Variants in QSOX1 observed in about 807,000 individuals in gnomAD.
QSOX1 encodes quiescin sulfhydryl oxidase 1.
In QSOX1, 40 loss-of-function variants were observed where a neutral mutation model predicts 76.1. That is an observed-to-expected ratio of 0.53 (90% CI 0.41 to 0.68). The LOEUF (loss-of-function observed/expected upper bound fraction) is 0.68. Ranked by LOEUF, QSOX1 falls within the 30% of genes least tolerant of loss-of-function variation. QSOX1 has a pLI of 0.00. For missense variants in QSOX1, 931 were observed against 974.3 expected, an observed-to-expected ratio of 0.96 and a Z score of 0.59; for synonymous variants, 392 against 413.1, an observed-to-expected ratio of 0.95 and a Z score of 0.62.
rs139923113 is a variant in QSOX1, at chr1:180,196,870, G to T, written c.2077G>T (p.Gly693Cys). ...CCAGCTGGAGGCCCGAGCTGGACGGGGCCGAGGCCAGTGGCTGCAGGTGCT... is the reference window on the plus strand; with the variant it reads ...CCAGCTGGAGGCCCGAGCTGGACGGTGCCGAGGCCAGTGGCTGCAGGTGCT... ...EGQLEARAGR[G>C]RGQWLQVLGG... Residue 693 changes from glycine (G) to cysteine (C), a missense_variant, in exon 12 of 12, where the codon GGC becomes TGC. Transcript: ENST00000367602. The surrounding 1 kb of genome is among the most constrained non-coding windows in gnomAD (Gnocchi z 4.1). 1.9e-6 allele frequency: 3 copies of T among 1,597,708 alleles called. No individual in the cohort carries two copies. The highest frequency in any genetic ancestry group is 1.1e-5 in the South Asian group (1 of 89,176).
rs1662963039 is a variant in QSOX1, at chr1:180,178,882, G to T, written c.604G>T (p.Glu202Ter). 6.2e-7 allele frequency: 1 copy of T among 1,612,688 alleles called. No individual in the cohort carries two copies. The highest frequency in any genetic ancestry group is 8.5e-7 in the Non-Finnish European group (1 of 1,178,694). The change falls in exon 5 of 12, where the codon GAG (glutamate) becomes TAG (stop). Residue 202 changes from glutamate to a stop codon, truncating the protein, a stop_gained and splice_region_variant. Coordinates refer to ENST00000367602, the MANE Select transcript of QSOX1 (RefSeq NM_002826.5). LOFTEE classifies it high-confidence loss of function. ...FEKGGSYLGR[E>*]VALDLSQHKG... ...AAAGGGAGGCTCCTACCTGGGTAGA[G>T]AGGTGAGCTGCCCTGAAGTTCCCTG...
Position 180,196,804 on chromosome 1 carries a change from G to A in QSOX1, c.2011G>A (p.Val671Met), listed in dbSNP as rs779603808. ...RLWGPLEVRRVGRSSKQLVDI... is the reference protein window; with the variant it reads ...RLWGPLEVRRMGRSSKQLVDI... ...CTGGGGCCCTTTGGAGGTCAGGCGCGTGGGCCGCAGCTCCAAGCAGCTGGT... is the reference window on the plus strand; with the variant it reads ...CTGGGGCCCTTTGGAGGTCAGGCGCATGGGCCGCAGCTCCAAGCAGCTGGT... Residue 671 changes from valine (V) to methionine (M), a missense_variant, in exon 12 of 12, where the codon GTG becomes ATG. Physicochemically the swap from Val to Met is conservative, Grantham distance 21. Transcript: ENST00000367602. This position sits in a 1 kb window ranked among gnomAD's most constrained non-coding sequence, Gnocchi z 4.1. 9 of 1,613,074 alleles carry A rather than the reference G, an allele frequency of 5.6e-6. No homozygotes were observed. Among genetic ancestry groups the A allele is most frequent in the Non-Finnish European group, 7.6e-6 (9 of 1,179,322 alleles).
intron 2 of QSOX1, among the ~76,000 whole-genome samples, chr1:180,166,852 G>A (rs1385169961): frequency 1.3e-5 from 2 of 152,228 alleles, no homozygotes; most frequent in Non-Finnish European, 2.9e-5. Flanking sequence ...CCTGTGGGCA[G>A]GGTCAGACTC....
intron 2 of QSOX1, among the ~76,000 whole-genome samples, chr1:180,175,105 C>T (rs12354230): frequency 0.037 from 5,615 of 149,784 alleles, 175 homozygotes; most frequent in East Asian, 0.16. Context: ...TGCAGTGAGC[C>T]GAGATCGCGC....
At chr1:180,187,973 G>A (rs1478083222) in intron 8 of QSOX1, among the ~76,000 whole-genome samples, 2 of 152,244 alleles carry the variant, frequency 1.3e-5, no homozygotes, top group African/African-American at 4.8e-5. Flanking sequence ...AGCCCTGCCG[G>A]TGCCTGCAGT....
chr1:180,174,811 G>A (rs925249689), intron 2 of QSOX1, among the ~76,000 whole-genome samples: 1 of 152,138 alleles, frequency 6.6e-6, no homozygotes, highest in African/African-American at 2.4e-5. Context: ...GAGGGAGCCA[G>A]TGTCCAGCTC....
At chr1:180,194,461 C>A (rs1488912805) in intron 11 of QSOX1, 69 bp downstream of exon 11, 2 of 1,456,188 alleles carry the variant, frequency 1.4e-6, no homozygotes, top group African/African-American at 1.4e-5. Context: ...ACTTGGGAGT[C>A]TTAGGCCAAA....
chr1:180,154,876 G>T lies in QSOX1; in HGVS notation c.-32G>T, dbSNP rs1662333479. The T allele has an allele frequency of 7.3e-7, 1 of 1,371,912 alleles. No individual in the cohort carries two copies. Among genetic ancestry groups the T allele is most frequent in the Non-Finnish European group, 9.4e-7 (1 of 1,069,032 alleles). 85.0% of individuals were successfully genotyped at this position (1,371,912 alleles called of 1,614,324 possible). A position where few individuals can be genotyped will look rare whatever the true frequency, so the allele number is the denominator to read the frequency against. On this transcript the variant is annotated 5_prime_UTR_variant, in exon 1 of 12. Transcript: ENST00000367602. ...GGCGCCGGGACCCGACTCATCCGGTGCTTGCGTGTGGTGGTGAGCGCAGCG... is the reference window on the plus strand; with the variant it reads ...GGCGCCGGGACCCGACTCATCCGGTTCTTGCGTGTGGTGGTGAGCGCAGCG...
intron 1 of QSOX1, among the ~76,000 whole-genome samples, chr1:180,161,046 A>G (rs878913453): frequency 1.3e-5 from 2 of 152,126 alleles, no homozygotes; most frequent in African/African-American, 2.4e-5. Context: ...TTTTCTCTCT[A>G]TAGTCACCCC....
In QSOX1 at chr1:180,196,001, T is replaced by G. The variant is rs932618272; in HGVS notation, c.1469-261T>G. ...CACCGGGAAATGACTGAGATGGCGC[T>G]CTTCACGCTTCCCTGGAAAACCACG... is the stretch of plus-strand genomic sequence containing the variant. On this transcript the variant is annotated intron_variant, in intron 11 of 11. Transcript: ENST00000367602. The surrounding 1 kb of genome is among the most constrained non-coding windows in gnomAD (Gnocchi z 4.1). 6.6e-6 allele frequency among the ~76,000 whole-genome samples: 1 copy of G among 152,120 alleles called. No individual in the cohort carries two copies. The highest frequency in any genetic ancestry group is 2.4e-5 in the African/African-American group (1 of 41,412).
At chr1:180,171,848 C>G (rs1662766687) in intron 2 of QSOX1, among the ~76,000 whole-genome samples, 1 of 152,152 alleles carries the variant, frequency 6.6e-6, no homozygotes, top group Non-Finnish European at 1.5e-5. Context: ...GTGAAAGCAA[C>G]AAAGGAGAGC....
At chr1:180,185,199 T>G (rs964787175) in intron 7 of QSOX1, among the ~76,000 whole-genome samples, 1 of 152,168 alleles carries the variant, frequency 6.6e-6, no homozygotes, top group Admixed American at 6.5e-5. Context: ...TTATTGGCTC[T>G]TTCCAACCTC....
intron 5 of QSOX1, among the ~76,000 whole-genome samples, chr1:180,179,878 G>A (rs1662987261): frequency 6.6e-6 from 1 of 152,262 alleles, no homozygotes. Context: ...CTTAAGGAGT[G>A]CCTGACCCTC....
chr1:180,157,964 A>T (rs1320891780), intron 1 of QSOX1, among the ~76,000 whole-genome samples: 1 of 152,220 alleles, frequency 6.6e-6, no homozygotes, highest in Non-Finnish European at 1.5e-5. Flanking sequence ...CAGAGGGCTA[A>T]TCTGATCACC....
At chr1:180,169,039 T>C (rs4652479) in intron 2 of QSOX1, among the ~76,000 whole-genome samples, 151,060 of 152,394 alleles carry the variant, frequency 0.99, 74,884 homozygotes, top group East Asian at 1. Flanking sequence ...TTTTCTTCTG[T>C]CTCCAGCCCC....
rs1663490159 is a variant in QSOX1, at chr1:180,196,441, G to A, written c.1648G>A (p.Ala550Thr). The A allele has an allele frequency of 5.0e-6, 8 of 1,614,170 alleles. No individual in the cohort carries two copies. The highest frequency in any genetic ancestry group is 6.8e-6 in the Non-Finnish European group (8 of 1,180,016). The change falls in exon 12 of 12, where the codon GCT becomes ACT. Residue 550 changes from alanine to threonine, a missense_variant. Physicochemically the swap from Ala to Thr is moderately conservative, Grantham distance 58. Coordinates refer to ENST00000367602, the MANE Select transcript of QSOX1 (RefSeq NM_002826.5). This position sits in a 1 kb window ranked among gnomAD's most constrained non-coding sequence, Gnocchi z 4.1. ...IILDFPAAGS[A>T]ARRDVQNVAA... ...CCTGGACTTCCCTGCAGCTGGGTCA[G>A]CTGCCCGGAGGGATGTGCAGAATGT...
chr1:180,183,656 C>T (rs61809065), intron 6 of QSOX1, among the ~76,000 whole-genome samples: 2 of 152,150 alleles, frequency 1.3e-5, no homozygotes, highest in Non-Finnish European at 2.9e-5. Flanking sequence ...AATTCTTGGG[C>T]CCAATTGCCT....
At position 180,197,076 on chromosome 1, in the gene QSOX1, C is replaced by G. The variant is rs750810778; in HGVS notation, c.*39C>G. 1 of 1,569,302 alleles carries G rather than the reference C, an allele frequency of 6.4e-7. No individual in the cohort carries two copies. The highest frequency in any genetic ancestry group is 8.6e-7 in the Non-Finnish European group (1 of 1,157,540). ...GAGGCGGGAGAGGGAGCTGCCATCT[C>G]TAGGCACCTCAAGCCCCCTGACCCC... On this transcript the variant is annotated 3_prime_UTR_variant, in exon 12 of 12. Transcript: ENST00000367602.
At chr1:180,159,161 G>A (rs993959872) in intron 1 of QSOX1, among the ~76,000 whole-genome samples, 16 of 152,094 alleles carry the variant, frequency 1.1e-4, no homozygotes, top group Non-Finnish European at 2.2e-4. Context: ...CTCTTGCCTC[G>A]CCACCCTTCC....
Sources: allele counts gnomAD v4.1 joint callset (sites outside exome capture counted in the v4.1 genomes callset), GRCh38; gene constraint gnomAD v4.1.1; non-coding constraint Gnocchi (gnomAD v3.1); transcripts MANE v1.5; gene names NCBI Gene and HGNC (gene_info 2026-07-23, HGNC 2026-07-21).